The following ANKRD44 variants were observed in gnomAD, a reference collection of about 807,000 sequenced individuals.
ANKRD44 encodes the protein ankyrin repeat domain 44.
ANKRD44 carries 35 observed loss-of-function variants against 116.0 expected under a neutral mutation model. The observed-to-expected ratio is 0.30, with a 90% CI of 0.23 to 0.40. The LOEUF (loss-of-function observed/expected upper bound fraction) is 0.40, where lower values mean the gene tolerates loss of function less well. Among genes scored for constraint, ANKRD44 ranks in the 10% least tolerant of loss-of-function variants. ANKRD44 has a pLI of 1.00. For synonymous variants in ANKRD44, 435 were observed against 461.8 expected, an observed-to-expected ratio of 0.94 and a Z score of 0.74; for missense variants, 1,014 against 1,242.6, an observed-to-expected ratio of 0.82 and a Z score of 2.77.
chr2:196,985,532 G>GA (rs1162902844), downstream of ANKRD44, among the ~76,000 whole-genome samples: 1 of 152,052 alleles, frequency 6.6e-6, no homozygotes, highest in Non-Finnish European at 1.5e-5. Context: ...ATTTCTGGCA[G>GA]AAAAAAACAA....
chr2:197,036,926 GA>G (rs1200049351), intron 16 of ANKRD44, among the ~76,000 whole-genome samples: 1 of 152,144 alleles, frequency 6.6e-6, no homozygotes, highest in Non-Finnish European at 1.5e-5. Context: ...CTAAATTGTA[GA>G]AGAGCTAAGT....
At chr2:197,263,314 C>G in intron 1 of ANKRD44, 1 of 661,760 alleles carries the variant, frequency 1.5e-6, no homozygotes, top group South Asian at 1.5e-5. Context: ...CAAGGGACAT[C>G]GACACAACAG....
At chr2:197,283,205 T>G (rs1331102330) in intron 1 of ANKRD44, among the ~76,000 whole-genome samples, 1 of 152,194 alleles carries the variant, frequency 6.6e-6, no homozygotes, top group African/African-American at 2.4e-5. Context: ...TTGGTTACCC[T>G]TGTCCAGCAC....
intron 2 of ANKRD44, among the ~76,000 whole-genome samples, chr2:197,185,056 T>C (rs1293470033): frequency 6.6e-6 from 1 of 152,192 alleles, no homozygotes; most frequent in Non-Finnish European, 1.5e-5. Flanking sequence ...ATAGTAACCA[T>C]GGCTTGGGCT....
chr2:197,259,820 T>A (rs540103483), intron 1 of ANKRD44, among the ~76,000 whole-genome samples: 2 of 152,328 alleles, frequency 1.3e-5, no homozygotes, highest in African/African-American at 4.8e-5. Context: ...AACCACCTTT[T>A]GGTCATCTAT....
chr2:197,014,277 T>C (rs1003952090), intron 17 of ANKRD44, among the ~76,000 whole-genome samples: 5 of 152,204 alleles, frequency 3.3e-5, no homozygotes, highest in Non-Finnish European at 4.4e-5. Context: ...TCTTCATGTA[T>C]AAGATGAGAG....
intron 1 of ANKRD44, among the ~76,000 whole-genome samples, chr2:197,274,661 G>A (rs1228603658): frequency 1.3e-5 from 2 of 152,148 alleles, no homozygotes; most frequent in South Asian, 2.1e-4. Flanking sequence ...GGTCCCTAAC[G>A]AGCATCTCAC....
intron 1 of ANKRD44, among the ~76,000 whole-genome samples, chr2:197,246,667 C>A (rs771532434): frequency 6.6e-6 from 1 of 152,106 alleles, no homozygotes; most frequent in Non-Finnish European, 1.5e-5. Context: ...CTAGATTTAT[C>A]TTCCTGACAC....
At chr2:196,995,966 A>T (rs1368429319) in intron 25 of ANKRD44, among the ~76,000 whole-genome samples, 1 of 152,138 alleles carries the variant, frequency 6.6e-6, no homozygotes, top group South Asian at 2.1e-4. Flanking sequence ...TTTCAGGAAA[A>T]CTCATTGTTT....
chr2:197,249,079 T>C (rs2082260600), intron 1 of ANKRD44, among the ~76,000 whole-genome samples: 1 of 152,108 alleles, frequency 6.6e-6, no homozygotes, highest in Non-Finnish European at 1.5e-5. Context: ...GTGACCAGCC[T>C]GGGAAACACA....
chr2:197,267,318 AT>A (rs1028007403), intron 1 of ANKRD44, among the ~76,000 whole-genome samples: 13 of 152,136 alleles, frequency 8.5e-5, no homozygotes, highest in Non-Finnish European at 2.9e-5. Context: ...TCCTTTATGC[AT>A]TTATCATTTT....
intron 21 of ANKRD44, among the ~76,000 whole-genome samples, chr2:196,969,153 T>G (rs970183405): frequency 6.6e-6 from 1 of 152,222 alleles, no homozygotes; most frequent in Non-Finnish European, 1.5e-5. Context: ...CATGGCTTAG[T>G]CTCTTTGTGG....
chr2:197,251,718 G>A (rs1251040078), intron 1 of ANKRD44, among the ~76,000 whole-genome samples: 1 of 152,134 alleles, frequency 6.6e-6, no homozygotes, highest in Non-Finnish European at 1.5e-5. Context: ...TCAAAACAAA[G>A]TTGGCTTAAT....
chr2:197,008,226 T>C lies in ANKRD44; in HGVS notation c.2013-303A>G, dbSNP rs550384626. Among the ~76,000 whole-genome samples the C allele has an allele frequency of 2.6e-5, 4 of 152,314 alleles. No homozygotes were observed. In the South Asian group the frequency reaches 8.3e-4, roughly 32 times the overall value. Reference sequence around the variant, plus strand: ...AGATCCATGTAGCATTTACTAGATATCAAGGGCGGGGAGTATGTGTATGCA... The same window carrying C: ...AGATCCATGTAGCATTTACTAGATACCAAGGGCGGGGAGTATGTGTATGCA... On this transcript the variant is annotated intron_variant, in intron 19 of 27. Coordinates refer to ENST00000282272, the MANE Select transcript of ANKRD44 (RefSeq NM_001195144.2).
At chr2:197,086,840 G>C (rs1559051179) in intron 12 of ANKRD44, 92 bp from the exon 13 acceptor site, 1 of 1,115,574 alleles carries the variant, frequency 9.0e-7, no homozygotes. Flanking sequence ...TACAGGACCA[G>C]ATGAAAAGAT....
downstream of ANKRD44, among the ~76,000 whole-genome samples, chr2:196,985,661 G>C (rs1004229297): frequency 6.6e-6 from 1 of 152,200 alleles, no homozygotes; most frequent in Non-Finnish European, 1.5e-5. Flanking sequence ...GTTTCTTCCT[G>C]AAAGAGCTGG....
intron 1 of ANKRD44, among the ~76,000 whole-genome samples, chr2:197,191,588 T>G (rs2080824327): frequency 2.0e-5 from 3 of 152,166 alleles, no homozygotes; most frequent in Non-Finnish European, 4.4e-5. Flanking sequence ...AAATATGTAC[T>G]AGGGATAGTT....
At position 196,988,410 on chromosome 2, in the gene ANKRD44, G is replaced by A. The variant is rs965927256; in HGVS notation, c.*1181C>T. 1 of 985,244 alleles carries A rather than the reference G, an allele frequency of 1.0e-6. No individual in the cohort carries two copies. Among genetic ancestry groups the A allele is most frequent in the African/African-American group, 1.7e-5 (1 of 57,210 alleles). The allele number at this position is 985,244 out of a possible 1,614,324, so 61.0% of individuals were successfully genotyped here. A position where few individuals can be genotyped will look rare whatever the true frequency, so the allele number is the denominator to read the frequency against. Reference sequence around the variant, plus strand: ...AACAAACGAAAAGGACAGAAGGTGGGAAGCACAACACCAAGAATTCAAAAA... The same window carrying A: ...AACAAACGAAAAGGACAGAAGGTGGAAAGCACAACACCAAGAATTCAAAAA... On this transcript the variant is annotated 3_prime_UTR_variant, in exon 28 of 28. Coordinates refer to ENST00000282272, the MANE Select transcript of ANKRD44 (RefSeq NM_001195144.2).
rs572783938 is a variant in ANKRD44 at position 197,024,716 on chromosome 2, C to T, written c.1722+480G>A. On this transcript the variant is annotated intron_variant, in intron 17 of 27. Transcript: ENST00000282272. ...TGAAGACCCTGATTTCAAGTCCAGG[C>T]AGAAGGTCGCAGCTGCAGCTCTGCA... is the stretch of plus-strand genomic sequence containing the variant. 9.8e-5 allele frequency among the ~76,000 whole-genome samples: 15 copies of T among 152,294 alleles called. No individual in the cohort carries two copies. In the South Asian group the frequency reaches 2.3e-3, roughly 23 times the overall value.
Sources: allele counts gnomAD v4.1 joint callset (sites outside exome capture counted in the v4.1 genomes callset), GRCh38; gene constraint gnomAD v4.1.1; transcripts MANE v1.5; gene names NCBI Gene and HGNC (gene_info 2026-07-23, HGNC 2026-07-21).